The following MYO1B variants were observed in gnomAD, a reference collection of about 807,000 sequenced individuals.
The protein encoded by MYO1B is myosin IB.
MYO1B carries 72 observed loss-of-function variants against 159.7 expected under a neutral mutation model. The ratio of observed to expected loss-of-function variants is 0.45; its 90% CI spans 0.37 to 0.55. The LOEUF is 0.55. Among genes scored for constraint, MYO1B ranks in the 20% least tolerant of loss-of-function variants. MYO1B has a pLI of 0.00. For synonymous variants in MYO1B, 468 were observed against 473.8 expected (o/e 0.99, Z 0.16); for missense variants, 1,062 against 1,364.8 (o/e 0.78, Z 3.50).
At chr2:191,246,244 G>C (rs1315834218) in intron 1 of MYO1B, 1 of 152,368 alleles carries the variant, frequency 6.6e-6, no homozygotes, top group East Asian at 1.9e-4. Flanking sequence ...TCCCAGAGAG[G>C]GAAGGGGAAG....
intron 1 of MYO1B, among the ~76,000 whole-genome samples, chr2:191,266,053 C>T (rs2125705429): frequency 6.6e-6 from 1 of 152,248 alleles, no homozygotes; most frequent in Middle Eastern, 3.4e-3. Context: ...TGCCCTTTGG[C>T]AGCCATTCCT....
At chr2:191,353,376 A>T (rs1428042343) in intron 7 of MYO1B, among the ~76,000 whole-genome samples, 1 of 152,242 alleles carries the variant, frequency 6.6e-6, no homozygotes, top group Non-Finnish European at 1.5e-5. Context: ...ATTTGGTGGC[A>T]GTTTAGACAG....
intron 1 of MYO1B, among the ~76,000 whole-genome samples, chr2:191,254,908 G>A (rs919946859): frequency 2.6e-5 from 4 of 152,074 alleles, no homozygotes; most frequent in African/African-American, 4.8e-5. Context: ...TTCAGGCACC[G>A]TACTAGGTAC....
chr2:191,333,287 A>G (rs1691609868), intron 4 of MYO1B, among the ~76,000 whole-genome samples: 1 of 152,098 alleles, frequency 6.6e-6, no homozygotes, highest in South Asian at 2.1e-4. Flanking sequence ...TGCCTGTCTG[A>G]CATCTCTACT....
chr2:191,321,136 A>G (rs1690684499), intron 3 of MYO1B, among the ~76,000 whole-genome samples: 1 of 152,192 alleles, frequency 6.6e-6, no homozygotes, highest in Non-Finnish European at 1.5e-5. Context: ...TTTCTAAGTT[A>G]AAGAAAAAGT....
chr2:191,420,468 A>T (rs945497716), intron 30 of MYO1B, among the ~76,000 whole-genome samples: 6 of 152,166 alleles, frequency 3.9e-5, no homozygotes, highest in Non-Finnish European at 7.4e-5. Flanking sequence ...TTCTTACTGT[A>T]CCTTTTCTAT....
chr2:191,342,411 A>G (rs931717755), intron 5 of MYO1B, among the ~76,000 whole-genome samples: 2 of 152,210 alleles, frequency 1.3e-5, no homozygotes, highest in Non-Finnish European at 2.9e-5. Context: ...GGAGATAAGC[A>G]TTCAGCCCAT....
chr2:191,324,973 G>A (rs1475118865), intron 3 of MYO1B, among the ~76,000 whole-genome samples: 1 of 152,076 alleles, frequency 6.6e-6, no homozygotes, highest in Non-Finnish European at 1.5e-5. Context: ...ATATAAGGAA[G>A]GCCAACGTAG....
intron 1 of MYO1B, among the ~76,000 whole-genome samples, chr2:191,276,598 C>G (rs1687766496): frequency 6.6e-6 from 1 of 152,084 alleles, no homozygotes; most frequent in Non-Finnish European, 1.5e-5. Context: ...TTGCGACTCT[C>G]TGCTGAGGAG....
chr2:191,356,896 A>T (rs918878891), intron 7 of MYO1B, among the ~76,000 whole-genome samples: 1 of 152,178 alleles, frequency 6.6e-6, no homozygotes, highest in Non-Finnish European at 1.5e-5. Flanking sequence ...TGCTTTTTTC[A>T]TAATATTAGT....
At chr2:191,353,648 A>G (rs1424323273) in intron 7 of MYO1B, among the ~76,000 whole-genome samples, 1 of 151,988 alleles carries the variant, frequency 6.6e-6, no homozygotes, top group East Asian at 1.9e-4. Context: ...TACTTTTGCA[A>G]CTCTTGTTGG....
At chr2:191,397,719 G>A (rs1294136641) in intron 21 of MYO1B, among the ~76,000 whole-genome samples, 1 of 145,830 alleles carries the variant, frequency 6.9e-6, no homozygotes, top group Non-Finnish European at 1.5e-5. Context: ...ACACCTCCCA[G>A]ACGGGGTCGT....
intron 7 of MYO1B, among the ~76,000 whole-genome samples, 194 bp from the exon 8 acceptor site, chr2:191,360,437 C>A (rs762736581): frequency 1.3e-5 from 2 of 152,052 alleles, no homozygotes; most frequent in African/African-American, 4.8e-5. Flanking sequence ...TTAAAAAGAA[C>A]GTGACCTGTG....
chr2:191,416,404 C>T (rs1697567710), intron 30 of MYO1B, 162 bp downstream of exon 30: 1 of 745,640 alleles, frequency 1.3e-6, no homozygotes, highest in African/African-American at 1.8e-5. Context: ...CTGACCAAGT[C>T]TCCAACCTCA....
At chr2:191,262,513 G>A (rs1263488486) in intron 1 of MYO1B, among the ~76,000 whole-genome samples, 1 of 152,118 alleles carries the variant, frequency 6.6e-6, no homozygotes, top group Non-Finnish European at 1.5e-5. Context: ...TCTTCCATGG[G>A]ACCATCACCA....
chr2:191,331,653 G>T (rs532236565), intron 4 of MYO1B, among the ~76,000 whole-genome samples: 1 of 152,140 alleles, frequency 6.6e-6, no homozygotes, highest in East Asian at 1.9e-4. Flanking sequence ...CTTAGTGAAA[G>T]GTACTATACT....
At position 191,423,971 on chromosome 2, in the gene MYO1B, C is replaced by T. The variant is rs768325250; in HGVS notation, c.*11C>T. On this transcript the variant is annotated 3_prime_UTR_variant, in exon 31 of 31. Transcript: ENST00000392318. ...GTTGCTGTCCCTTAACTGGCGCCTC[C>T]TCTCTACTTTCATGGACTTGTTCCT... The T allele has an allele frequency of 1.7e-5, 28 of 1,611,788 alleles. No individual in the cohort carries two copies. In the South Asian group the frequency reaches 2.3e-4, roughly 13 times the overall value.
chr2:191,300,278 A>C (rs1291398636), intron 3 of MYO1B, among the ~76,000 whole-genome samples: 1 of 108,988 alleles, frequency 9.2e-6, no homozygotes, highest in Non-Finnish European at 2.2e-5. Flanking sequence ...TGCTCAGACT[A>C]CATACTTTGA....
At chr2:191,359,184 ATCTT>A (rs1241189198) in intron 7 of MYO1B, among the ~76,000 whole-genome samples, 1 of 152,112 alleles carries the variant, frequency 6.6e-6, no homozygotes, top group African/African-American at 2.4e-5. Context: ...TATTTAGTCT[ATCTT>A]GTGCTTTGCA....
Sources: allele counts gnomAD v4.1 joint callset (sites outside exome capture counted in the v4.1 genomes callset), GRCh38; gene constraint gnomAD v4.1.1; transcripts MANE v1.5; gene names NCBI Gene and HGNC (gene_info 2026-07-23, HGNC 2026-07-21).